Variants in SLC7A8 observed in about 807,000 individuals in gnomAD.
The protein encoded by SLC7A8 is solute carrier family 7 member 8.
Under a neutral mutation model 51.2 loss-of-function variants are expected in SLC7A8, and 30 were observed. The observed-to-expected ratio is 0.59, with a 90% CI of 0.44 to 0.80. The LOEUF (loss-of-function observed/expected upper bound fraction) is 0.80. Among genes scored for constraint, SLC7A8 ranks in the 30% least tolerant of loss-of-function variants. The pLI is 0.00. For missense variants in SLC7A8, 612 were observed against 674.4 expected (o/e 0.91, Z 1.03); for synonymous variants, 257 against 275.8 (o/e 0.93, Z 0.67).
At chr14:23,146,307 G>A (rs752773775) in intron 3 of SLC7A8, among the ~76,000 whole-genome samples, 10 of 152,182 alleles carry the variant, frequency 6.6e-5, no homozygotes, top group South Asian at 2.1e-4. Context: ...GGGAGGAGAG[G>A]GGAGGGCGAG....
intron 3 of SLC7A8, among the ~76,000 whole-genome samples, chr14:23,150,923 T>C (rs1401089352): frequency 6.6e-6 from 1 of 152,158 alleles, no homozygotes; most frequent in African/African-American, 2.4e-5. Context: ...TGTCTGGAAG[T>C]TGGGAGTGGG....
chr14:23,141,417 T>C (rs890633581), intron 4 of SLC7A8, among the ~76,000 whole-genome samples: 1 of 152,276 alleles, frequency 6.6e-6, no homozygotes, highest in Admixed American at 6.5e-5. Context: ...GATATCCTCC[T>C]ATCTCTTTCT....
At chr14:23,176,082 A>G (rs1384143921) in intron 1 of SLC7A8, among the ~76,000 whole-genome samples, 1 of 152,218 alleles carries the variant, frequency 6.6e-6, no homozygotes, top group Non-Finnish European at 1.5e-5. Context: ...TTTTAATTGA[A>G]GTACAAACTC....
rs138031855 is a variant in SLC7A8, at chr14:23,128,791, C to T, written c.1264-595G>A. ...ATTCGGCTGCCTTTCTCTTCCTTGT[C>T]TTCCTCGCTCAGAAGGGATGTGTGT... On this transcript the variant is annotated intron_variant, in intron 9 of 10. Transcript: ENST00000316902. This position sits in a 1 kb window ranked among gnomAD's most constrained non-coding sequence, Gnocchi z 4.3. 2.6e-5 allele frequency among the ~76,000 whole-genome samples: 4 copies of T among 152,310 alleles called. 1 individual carries two copies. The highest frequency in any genetic ancestry group is 9.6e-5 in the African/African-American group (4 of 41,572).
At position 23,179,573 on chromosome 14, in the gene SLC7A8, C is replaced by T. The variant is rs1031493186; in HGVS notation, c.151+3191G>A. Among the ~76,000 whole-genome samples, 124 of 151,372 alleles carry T rather than the reference C, an allele frequency of 8.2e-4. 1 individual carries two copies. The highest frequency in any genetic ancestry group is 1.4e-3 in the East Asian group (7 of 5,142). On this transcript the variant is annotated intron_variant, in intron 1 of 10. Transcript: ENST00000316902. The stretch of plus-strand genomic sequence containing the variant: ...GCCTGTAATCCCAGCACTGATAGGC[C>T]GAGGTGGGAGGATTTCTTGAGCCCA...
At chr14:23,154,070 T>C (rs1437693188) in intron 3 of SLC7A8, among the ~76,000 whole-genome samples, 1 of 152,026 alleles carries the variant, frequency 6.6e-6, no homozygotes, top group East Asian at 1.9e-4. Context: ...AACAGCAAGA[T>C]GGAATGTACT....
intron 1 of SLC7A8, among the ~76,000 whole-genome samples, chr14:23,168,247 C>T (rs1403900549): frequency 2.0e-5 from 3 of 152,184 alleles, no homozygotes; most frequent in Non-Finnish European, 2.9e-5. Flanking sequence ...CATCTTTCAG[C>T]CCTCCTCTCT....
chr14:23,156,041 C>T (rs2048890361), intron 3 of SLC7A8, among the ~76,000 whole-genome samples: 1 of 151,630 alleles, frequency 6.6e-6, no homozygotes, highest in Non-Finnish European at 1.5e-5. Context: ...TCTTGTTGCC[C>T]AGGCTGGAGT....
chr14:23,181,520 G>A (rs1877183997), intron 1 of SLC7A8, among the ~76,000 whole-genome samples: 1 of 152,112 alleles, frequency 6.6e-6, no homozygotes, highest in Non-Finnish European at 1.5e-5. Context: ...GGGTGTAGAG[G>A]TGAAGAGGAT....
intron 3 of SLC7A8, among the ~76,000 whole-genome samples, chr14:23,164,774 T>C (rs1401826655): frequency 6.6e-6 from 1 of 152,038 alleles, no homozygotes; most frequent in Admixed American, 6.5e-5. Flanking sequence ...GGCGGATCAC[T>C]TGAGGTCAGG....
rs1470081163 is a variant in SLC7A8, at chr14:23,140,556, C to G, written c.703G>C (p.Ala235Pro). ...AAGGAGCCCTGAAGGAAAGCCAGTGCGACGAGGCCGATGTCAGGTTCCTGG... is the reference window on the plus strand; with the variant it reads ...AAGGAGCCCTGAAGGAAAGCCAGTGGGACGAGGCCGATGTCAGGTTCCTGG... ...NFQEPDIGLV[A>P]LAFLQGSFAY... Residue 235 changes from alanine to proline, a missense_variant, in exon 5 of 11, where the codon GCA becomes CCA. Ala to Pro is a conservative substitution (Grantham distance 27). Coordinates refer to ENST00000316902, the MANE Select transcript of SLC7A8 (RefSeq NM_012244.4). The G allele has an allele frequency of 6.2e-7, 1 of 1,614,118 alleles. No individual in the cohort carries two copies. Among genetic ancestry groups the G allele is most frequent in the Middle Eastern group, 1.6e-4 (1 of 6,062 alleles).
chr14:23,144,228 A>C (rs1436109051), intron 3 of SLC7A8, among the ~76,000 whole-genome samples: 1 of 152,150 alleles, frequency 6.6e-6, no homozygotes, highest in Non-Finnish European at 1.5e-5. Context: ...CTTTCTAAGA[A>C]ACTGCCAAAC....
intron 3 of SLC7A8, among the ~76,000 whole-genome samples, chr14:23,158,907 T>G (rs2048907638): frequency 6.6e-6 from 1 of 152,196 alleles, no homozygotes; most frequent in African/African-American, 2.4e-5. Flanking sequence ...CAGTCTTTTC[T>G]TTCCCAAATG....
rs755375582 is a variant in SLC7A8, at chr14:23,127,134, T to A, written c.*43A>T. On this transcript the variant is annotated 3_prime_UTR_variant, in exon 11 of 11. Coordinates refer to ENST00000316902, the MANE Select transcript of SLC7A8 (RefSeq NM_012244.4). Reference sequence around the variant, plus strand: ...GCAGGACCAAGGCAGGGAGGTAGGATAAAAGGGGGAGGAAGGAGAGAGTAG... The same window carrying A: ...GCAGGACCAAGGCAGGGAGGTAGGAAAAAAGGGGGAGGAAGGAGAGAGTAG... 3.1e-6 allele frequency: 5 copies of A among 1,609,892 alleles called. No individual in the cohort carries two copies. The African/African-American group carries it at 6.7e-5, about 22-fold the overall frequency.
chr14:23,164,762 C>T (rs1017411686), intron 3 of SLC7A8, among the ~76,000 whole-genome samples: 4 of 152,012 alleles, frequency 2.6e-5, no homozygotes, highest in Admixed American at 6.6e-5. Context: ...GAGGCCAAGG[C>T]GGGCGGATCA....
chr14:23,127,408 C>A, intron 10 of SLC7A8, 65 bp from the exon 11 acceptor site: 1 of 1,578,486 alleles, frequency 6.3e-7, no homozygotes, highest in South Asian at 1.1e-5. Context: ...GGCCAAGTGG[C>A]CCCGGCCCTT....
In SLC7A8 at chr14:23,167,116, T is replaced by G. The variant is rs570784004; in HGVS notation, c.152-576A>C. Reference sequence around the variant, plus strand: ...CAAGACTTACAAGTGTGGAAAACACTCCTGGAGGCTGGCTTCTACCCTAGA... The same window carrying G: ...CAAGACTTACAAGTGTGGAAAACACGCCTGGAGGCTGGCTTCTACCCTAGA... On this transcript the variant is annotated intron_variant, in intron 1 of 10. Transcript: ENST00000316902. 4.6e-5 allele frequency among the ~76,000 whole-genome samples: 7 copies of G among 152,274 alleles called. 1 individual carries two copies. In the South Asian group the frequency reaches 1.5e-3, roughly 32 times the overall value.
chr14:23,161,391 C>T (rs1247541796), intron 3 of SLC7A8, among the ~76,000 whole-genome samples: 2 of 151,968 alleles, frequency 1.3e-5, no homozygotes, highest in Non-Finnish European at 2.9e-5. Context: ...CAGAGGGTGG[C>T]CTTTCCTCAA....
chr14:23,165,467 G>A lies in SLC7A8; in HGVS notation c.357-31C>T, dbSNP rs201077419. 1.8e-4 allele frequency: 277 copies of A among 1,568,094 alleles called. No homozygotes were observed. The highest frequency in any genetic ancestry group is 1.9e-4 in the Non-Finnish European group (226 of 1,163,360). On this transcript the variant is annotated intron_variant, in intron 2 of 10. Coordinates refer to ENST00000316902, the MANE Select transcript of SLC7A8 (RefSeq NM_012244.4). The surrounding 1 kb of genome is among the most constrained non-coding windows in gnomAD (Gnocchi z 4.2). ...GGAGGAAAGGGACATCCGCCGAAAG[G>A]CATGGCAGGGACGCAGAGCCATCAG...
Sources: allele counts gnomAD v4.1 joint callset (sites outside exome capture counted in the v4.1 genomes callset), GRCh38; gene constraint gnomAD v4.1.1; non-coding constraint Gnocchi (gnomAD v3.1); transcripts MANE v1.5; gene names NCBI Gene and HGNC (gene_info 2026-07-23, HGNC 2026-07-21).